Variants in IL1RAPL1 observed in about 807,000 individuals in gnomAD.
The protein encoded by IL1RAPL1 is interleukin-1 receptor accessory protein-like 1.
A neutral mutation model predicts 48.4 loss-of-function variants in IL1RAPL1; 3 were observed. The observed-to-expected ratio is 0.06, with a 90% confidence interval of 0.03 to 0.16. The LOEUF (loss-of-function observed/expected upper bound fraction) is 0.16, where lower values mean the gene tolerates loss of function less well. IL1RAPL1 is among the 10% of genes least tolerant of loss of function. The pLI is 1.00. For synonymous variants in IL1RAPL1, 185 were observed against 187.7 expected, an observed-to-expected ratio of 0.99 and a Z score of 0.12; for missense variants, 349 against 530.6, an observed-to-expected ratio of 0.66 and a Z score of 3.36.
intron 6 of IL1RAPL1, among the ~76,000 whole-genome samples, chrX:29,802,765 ATATATATATATATATATGTGTGTG>A (rs1237762249): frequency 3.7e-5 from 1 of 26,722 alleles, no homozygotes; most frequent in African/African-American, 2.3e-4. Flanking sequence ...ATATATATAT[ATATATATATATATATATGTGTGTG>A]TGTATATATA....
chrX:28,873,502 C>G (rs1236376410), intron 2 of IL1RAPL1, among the ~76,000 whole-genome samples: 2 of 97,382 alleles, frequency 2.1e-5, no homozygotes, highest in Non-Finnish European at 4.1e-5. Flanking sequence ...TCTTTGTTCT[C>G]AATTATTGTT....
chrX:28,890,507 CTAT>C (rs1263812739), intron 2 of IL1RAPL1, among the ~76,000 whole-genome samples: 1 of 111,369 alleles, frequency 9.0e-6, no homozygotes, highest in Non-Finnish European at 1.9e-5. Flanking sequence ...ACAATAGTTT[CTAT>C]TATTATTTGC....
At chrX:28,952,312 T>C (rs1924490989) in intron 2 of IL1RAPL1, among the ~76,000 whole-genome samples, 1 of 111,270 alleles carries the variant, frequency 9.0e-6, no homozygotes, top group Non-Finnish European at 1.9e-5. Flanking sequence ...AACCAGGTAT[T>C]TGGAATAATT....
At chrX:29,903,183 TGAGA>T (rs1193474559) in intron 6 of IL1RAPL1, among the ~76,000 whole-genome samples, 3,450 of 92,955 alleles carry the variant, frequency 0.037, 132 homozygotes, top group African/African-American at 0.12. Context: ...TGTGTGTGTG[TGAGA>T]GAGAGAGAGA....
chrX:29,942,012 A>G (rs1446419996), intron 9 of IL1RAPL1, among the ~76,000 whole-genome samples: 1 of 112,334 alleles, frequency 8.9e-6, no homozygotes. Flanking sequence ...AGCAACACCT[A>G]TCCATTTTAG....
intron 2 of IL1RAPL1, among the ~76,000 whole-genome samples, chrX:28,924,430 A>G (rs1923688488): frequency 8.9e-6 from 1 of 112,319 alleles, no homozygotes. Flanking sequence ...AGTCATCATA[A>G]TACGATGAAC....
At chrX:29,928,856 G>A (rs1292605290) in intron 8 of IL1RAPL1, among the ~76,000 whole-genome samples, 11 of 111,663 alleles carry the variant, frequency 9.9e-5, no homozygotes, top group South Asian at 3.7e-4. Flanking sequence ...TAGACATGAC[G>A]CATACAAAAA....
At chrX:28,619,067 A>G (rs1311086343) in intron 1 of IL1RAPL1, among the ~76,000 whole-genome samples, 3 of 112,277 alleles carry the variant, frequency 2.7e-5, no homozygotes, top group African/African-American at 9.7e-5. Flanking sequence ...TGTAGACTCA[A>G]TAGTTATTTT....
rs916964697 is a variant in IL1RAPL1 at position 29,845,739 on chromosome X, G to T, written c.779-71725G>T. 5.4e-5 allele frequency among the ~76,000 whole-genome samples: 6 copies of T among 111,316 alleles called. No individual in the cohort carries two copies. The Admixed American group carries it at 5.7e-4, about 11-fold the overall frequency. ...ACCTGAGAGTGGGTAGTGAAAAGAC[G>T]TTTAATTGGCCCACAGTTCTGCAGG... On this transcript the variant is annotated intron_variant, in intron 6 of 10. Transcript: ENST00000378993.
chrX:29,431,490 A>G (rs747841570), intron 5 of IL1RAPL1, among the ~76,000 whole-genome samples: 13 of 111,887 alleles, frequency 1.2e-4, no homozygotes, highest in Non-Finnish European at 2.4e-4. Context: ...GGTGATGAAC[A>G]CACTAGCCCA....
intron 3 of IL1RAPL1, among the ~76,000 whole-genome samples, chrX:29,387,888 G>A (rs777965458): frequency 1.8e-5 from 2 of 109,148 alleles, no homozygotes; most frequent in South Asian, 8.0e-4. Flanking sequence ...AGCTACTTGG[G>A]AGGCTGAGGC....
intron 2 of IL1RAPL1, among the ~76,000 whole-genome samples, chrX:29,024,383 G>A (rs966132314): frequency 8.9e-6 from 1 of 111,811 alleles, no homozygotes; most frequent in East Asian, 2.8e-4. Context: ...GAATGTGATA[G>A]ATTGAATCAC....
intron 1 of IL1RAPL1, among the ~76,000 whole-genome samples, 159 bp downstream of exon 1, chrX:28,588,206 A>ATGTGTGTGTGTGTGTGTGTG (rs768348078): frequency 8.0e-5 from 4 of 49,945 alleles, no homozygotes; most frequent in South Asian, 8.8e-4. Flanking sequence ...GTGTGTTGAT[A>ATGTGTGTGTGTGTGTGTGTG]TGTGTGTGTG....
At chrX:29,156,631 T>C (rs1929575796) in intron 2 of IL1RAPL1, among the ~76,000 whole-genome samples, 1 of 111,625 alleles carries the variant, frequency 9.0e-6, no homozygotes, top group African/African-American at 3.3e-5. Flanking sequence ...GTATCTCTTA[T>C]ATCAAATCTG....
chrX:28,649,176 C>G lies in IL1RAPL1; in HGVS notation c.-25+61129C>G, dbSNP rs7062798. ...ATTTACTGGTTTTCTGTTTGTCTCC[C>G]TAATTAGGATATAAACTCTGCGAGA... On this transcript the variant is annotated intron_variant, in intron 1 of 10. Transcript: ENST00000378993. Among the ~76,000 whole-genome samples the G allele has an allele frequency of 9.6e-3, 1,069 of 111,671 alleles. 8 individuals are homozygous for G. Among genetic ancestry groups the G allele is most frequent in the African/African-American group, 0.032 (996 of 30,775 alleles).
chrX:29,210,693 G>A (rs181824917), intron 2 of IL1RAPL1, among the ~76,000 whole-genome samples: 4 of 111,472 alleles, frequency 3.6e-5, no homozygotes, highest in East Asian at 2.8e-4. Context: ...CTCTAAGCTC[G>A]CATGATAAAA....
intron 5 of IL1RAPL1, among the ~76,000 whole-genome samples, chrX:29,467,490 A>T (rs1342056284): frequency 7.1e-5 from 8 of 112,520 alleles, no homozygotes; most frequent in Admixed American, 1.9e-4. Flanking sequence ...CTCAGCCTGC[A>T]GCACTCAAAC....
chrX:29,737,833 ATTC>A (rs1206169941), intron 6 of IL1RAPL1, among the ~76,000 whole-genome samples: 1 of 112,189 alleles, frequency 8.9e-6, no homozygotes, highest in African/African-American at 3.2e-5. Context: ...AAATTCAGCT[ATTC>A]TTTTATCGAT....
chrX:28,742,585 C>T (rs747180179), intron 1 of IL1RAPL1, among the ~76,000 whole-genome samples: 16 of 111,264 alleles, frequency 1.4e-4, no homozygotes, highest in African/African-American at 3.9e-4. Flanking sequence ...GGAGTCAATC[C>T]GAGTCTTTTT....
Sources: allele counts gnomAD v4.1 joint callset (sites outside exome capture counted in the v4.1 genomes callset), GRCh38; gene constraint gnomAD v4.1.1; transcripts MANE v1.5; gene names NCBI Gene and HGNC (gene_info 2026-07-23, HGNC 2026-07-21).